The following ASCC3 variants were observed in gnomAD, a reference collection of about 807,000 sequenced individuals.
ASCC3 encodes ASC-1 complex subunit P200.
A neutral mutation model predicts 256.3 loss-of-function variants in ASCC3; 158 were observed. The observed-to-expected ratio is 0.62, with a 90% CI of 0.54 to 0.70. The LOEUF (loss-of-function observed/expected upper bound fraction) is 0.70. ASCC3 is among the 30% of genes least tolerant of loss of function. ASCC3 has a pLI of 0.00. For missense variants in ASCC3, 2,259 were observed against 2,626.0 expected, an observed-to-expected ratio of 0.86 and a Z score of 3.05; for synonymous variants, 948 against 883.4, an observed-to-expected ratio of 1.07 and a Z score of -1.30.
chr6:100,536,207 T>C (rs1327426690), intron 37 of ASCC3, among the ~76,000 whole-genome samples: 1 of 152,146 alleles, frequency 6.6e-6, no homozygotes, highest in Non-Finnish European at 1.5e-5. Flanking sequence ...GCTAAATAAA[T>C]ATATCTTTAT....
intron 13 of ASCC3, among the ~76,000 whole-genome samples, chr6:100,692,589 A>G (rs1184809483): frequency 6.6e-6 from 1 of 151,990 alleles, no homozygotes; most frequent in African/African-American, 2.4e-5. Context: ...TTTAAAAATT[A>G]TTCTTTTCTT....
At chr6:100,569,980 C>T (rs576153100) in intron 36 of ASCC3, among the ~76,000 whole-genome samples, 12 of 152,110 alleles carry the variant, frequency 7.9e-5, no homozygotes, top group African/African-American at 2.7e-4. Context: ...TGAAGTTCTC[C>T]TCATAGAGTT....
At chr6:100,830,490 T>C (rs13209283) in intron 4 of ASCC3, among the ~76,000 whole-genome samples, 16,496 of 152,204 alleles carry the variant, frequency 0.11, 1,287 homozygotes, top group South Asian at 0.33. Context: ...CTTATGAATA[T>C]GGACAATAAA....
intron 30 of ASCC3, among the ~76,000 whole-genome samples, chr6:100,614,043 A>G (rs759744697): frequency 4.3e-4 from 65 of 151,978 alleles, no homozygotes; most frequent in Non-Finnish European, 8.2e-4. Context: ...GATATTAAAG[A>G]TTTTTTCTTA....
intron 11 of ASCC3, among the ~76,000 whole-genome samples, chr6:100,720,705 TAACA>T (rs2115029737): frequency 6.6e-6 from 1 of 151,526 alleles, no homozygotes; most frequent in South Asian, 2.1e-4. Context: ...TTTCTTAAGA[TAACA>T]AACAGCAAGT....
chr6:100,852,008 C>T (rs887387280), intron 3 of ASCC3, among the ~76,000 whole-genome samples: 7 of 152,138 alleles, frequency 4.6e-5, no homozygotes, highest in Admixed American at 3.9e-4. Flanking sequence ...CATGAGATGA[C>T]GTATGTAGGC....
At chr6:100,576,856 T>C (rs1770893215) in intron 36 of ASCC3, among the ~76,000 whole-genome samples, 1 of 151,388 alleles carries the variant, frequency 6.6e-6, no homozygotes, top group African/African-American at 2.4e-5. Context: ...ACAGCTCAGC[T>C]TCAAGGAAAG....
rs78638219 is a variant in ASCC3, at chr6:100,870,132, G to A, written c.-41-2094C>T. Among the ~76,000 whole-genome samples, 945 of 152,224 alleles carry A rather than the reference G, an allele frequency of 6.2e-3. 6 individuals carry two copies. Among genetic ancestry groups the A allele is most frequent in the Non-Finnish European group, 0.01 (705 of 68,002 alleles). ...AAATCAATAAAGATATAGAGAACCT[G>A]AAGAGTACAATTACTAAGTCTGATT... On this transcript the variant is annotated intron_variant, in intron 1 of 41. Transcript: ENST00000369162.
chr6:100,800,316 C>A lies in ASCC3; in HGVS notation c.1111G>T (p.Glu371Ter). The change falls in exon 6 of 42, where the codon GAA (glutamate) becomes TAA (stop). Residue 371 changes from glutamate (E) to a stop codon, truncating the protein, a stop_gained. Transcript: ENST00000369162. LOFTEE classifies it high-confidence loss of function. ...SEGLMCFDPKELRIQREQALL... is the reference protein window; with the variant it reads ...SEGLMCFDPK ...TTTTATTACCTTTGTATCCGCAATT[C>A]CTTAGGATCAAAGCACATAAGTCCT... 6.2e-7 allele frequency: 1 copy of A among 1,612,686 alleles called. No individual in the cohort carries two copies.
intron 36 of ASCC3, among the ~76,000 whole-genome samples, chr6:100,582,024 C>T (rs1452878644): frequency 3.9e-5 from 6 of 152,076 alleles, no homozygotes; most frequent in Admixed American, 2.0e-4. Flanking sequence ...TAGTGTGATG[C>T]CTCCAGCTTT....
intron 13 of ASCC3, among the ~76,000 whole-genome samples, chr6:100,713,609 T>G (rs558817450): frequency 1.1e-4 from 16 of 152,266 alleles, no homozygotes; most frequent in African/African-American, 3.9e-4. Flanking sequence ...TTGAATCAAA[T>G]TATCCCTCTG....
At chr6:100,523,963 T>C (rs1275718125) in intron 37 of ASCC3, among the ~76,000 whole-genome samples, 5 of 152,172 alleles carry the variant, frequency 3.3e-5, no homozygotes, top group Non-Finnish European at 7.4e-5. Context: ...TGTATATTAT[T>C]GCACAGATTA....
chr6:100,632,463 A>G (rs1480956879), intron 25 of ASCC3, among the ~76,000 whole-genome samples: 1 of 152,134 alleles, frequency 6.6e-6, no homozygotes, highest in Non-Finnish European at 1.5e-5. Context: ...AGAAATAGAA[A>G]AAAAAAATCC....
intron 16 of ASCC3, among the ~76,000 whole-genome samples, chr6:100,661,369 A>C (rs1467353873): frequency 6.6e-6 from 1 of 150,654 alleles, no homozygotes; most frequent in South Asian, 2.1e-4. Context: ...AAAACAAATG[A>C]TCATAATCTA....
At chr6:100,594,929 G>A (rs1248165532) in intron 34 of ASCC3, among the ~76,000 whole-genome samples, 1 of 152,084 alleles carries the variant, frequency 6.6e-6, no homozygotes, top group Admixed American at 6.6e-5. Context: ...TTATGCCATT[G>A]AAATAAGGTA....
At chr6:100,846,560 G>C (rs1212238496) in intron 4 of ASCC3, among the ~76,000 whole-genome samples, 1 of 152,100 alleles carries the variant, frequency 6.6e-6, no homozygotes, top group African/African-American at 2.4e-5. Flanking sequence ...AAGGCGCTCA[G>C]CCCTCACCTC....
At chr6:100,802,690 T>C (rs1023128376) in intron 5 of ASCC3, among the ~76,000 whole-genome samples, 1 of 152,090 alleles carries the variant, frequency 6.6e-6, no homozygotes, top group Non-Finnish European at 1.5e-5. Context: ...TTTATTTTAA[T>C]AGATTACCAC....
At chr6:100,816,517 T>C (rs1770754840) in intron 4 of ASCC3, among the ~76,000 whole-genome samples, 1 of 152,082 alleles carries the variant, frequency 6.6e-6, no homozygotes, top group Non-Finnish European at 1.5e-5. Context: ...CTAAATCCCA[T>C]CATTGGTAGA....
At chr6:100,547,323 T>C (rs984439205) in intron 36 of ASCC3, among the ~76,000 whole-genome samples, 2 of 152,004 alleles carry the variant, frequency 1.3e-5, no homozygotes, top group Non-Finnish European at 2.9e-5. Flanking sequence ...AAAAAATTTA[T>C]TTGATGGGAC....
Sources: allele counts gnomAD v4.1 joint callset (sites outside exome capture counted in the v4.1 genomes callset), GRCh38; gene constraint gnomAD v4.1.1; transcripts MANE v1.5; gene names NCBI Gene and HGNC (gene_info 2026-07-23, HGNC 2026-07-21).